The following DYDC2 variants were observed in gnomAD, a reference collection of about 807,000 sequenced individuals.
The protein encoded by DYDC2 is DPY30 domain-containing protein 2.
In DYDC2, 19 loss-of-function variants were observed where a neutral mutation model predicts 18.7. That is an observed-to-expected ratio of 1.02 (90% confidence interval 0.71 to 1.49). The LOEUF is 1.49. DYDC2 is among the 40% of genes most tolerant of loss of function. DYDC2 has a pLI of 0.00. For missense variants in DYDC2, 179 were observed against 205.1 expected (o/e 0.87, Z 0.78); for synonymous variants, 63 against 67.6 (o/e 0.93, Z 0.34).
intron 1 of DYDC2, among the ~76,000 whole-genome samples, chr10:80,345,233 A>G (rs1842541169): frequency 6.6e-6 from 1 of 152,184 alleles, no homozygotes; most frequent in Admixed American, 6.5e-5. Context: ...GAAGCTGAAT[A>G]TATCCTGATG....
chr10:80,362,026 T>C (rs1382952621), intron 2 of DYDC2, among the ~76,000 whole-genome samples: 1 of 152,258 alleles, frequency 6.6e-6, no homozygotes, highest in East Asian at 1.9e-4. Context: ...TATTTTTTCC[T>C]ATGTCCATAA....
chr10:80,352,093 G>A (rs922304195), upstream of DYDC2: 5 of 1,220,016 alleles, frequency 4.1e-6, no homozygotes, highest in African/African-American at 6.0e-5. Context: ...GGAACAATTA[G>A]GGAAAGTGTT....
At chr10:80,357,199 G>T (rs993968871) in intron 1 of DYDC2, among the ~76,000 whole-genome samples, 3 of 149,754 alleles carry the variant, frequency 2.0e-5, no homozygotes, top group East Asian at 4.0e-4. Context: ...GAAAGAAGGG[G>T]AGCGTGGCAG....
upstream of DYDC2, among the ~76,000 whole-genome samples, chr10:80,355,054 A>AT (rs1160556457): frequency 2.0e-5 from 3 of 151,776 alleles, no homozygotes; most frequent in African/African-American, 7.3e-5. Context: ...GTAAAAAAAA[A>AT]GCTTCTTTGG....
At chr10:80,356,323 G>A (rs1843365282), upstream of DYDC2, 11 of 985,622 alleles carry the variant, frequency 1.1e-5, no homozygotes, top group Non-Finnish European at 1.2e-5. Flanking sequence ...CGTGAAGAAG[G>A]TGCCACAGAG....
At chr10:80,348,854 T>G (rs10788579) in intron 1 of DYDC2, among the ~76,000 whole-genome samples, 53,268 of 152,168 alleles carry the variant, frequency 0.35, 10,524 homozygotes, top group East Asian at 0.79. Context: ...TTTTCAAGGA[T>G]GAAATGCATA....
At chr10:80,352,642 G>A, upstream of DYDC2, 1 of 1,578,956 alleles carries the variant, frequency 6.3e-7, no homozygotes, top group Non-Finnish European at 8.6e-7. Flanking sequence ...ATTACTGCAG[G>A]ATATTTTCAA....
chr10:80,363,324 TA>T (rs1476545284), intron 4 of DYDC2, among the ~76,000 whole-genome samples: 1 of 148,768 alleles, frequency 6.7e-6, no homozygotes, highest in African/African-American at 2.5e-5. Context: ...TTACTGGTTT[TA>T]AAAAAAATCT....
chr10:80,358,605 A>G (rs1023681653), intron 2 of DYDC2, among the ~76,000 whole-genome samples: 1 of 152,210 alleles, frequency 6.6e-6, no homozygotes, highest in Non-Finnish European at 1.5e-5. Context: ...GAGAATGCAG[A>G]GTTGGTGATT....
intron 1 of DYDC2, among the ~76,000 whole-genome samples, chr10:80,347,852 A>T (rs938866797): frequency 4.6e-5 from 7 of 152,132 alleles, no homozygotes; most frequent in African/African-American, 1.7e-4. Flanking sequence ...TGTAATTACT[A>T]TGGCTTTGTA....
chr10:80,353,045 G>T (rs952062202), upstream of DYDC2, among the ~76,000 whole-genome samples: 3 of 151,782 alleles, frequency 2.0e-5, no homozygotes, highest in African/African-American at 4.8e-5. Flanking sequence ...GACAGGGTTT[G>T]TACCCACCTC....
chr10:80,357,917 C>T lies in DYDC2; in HGVS notation c.-138C>T, dbSNP rs1193709655. The stretch of plus-strand genomic sequence containing the variant: ...GAGCTCCCAGTGTGCCAAGCGTGGG[C>T]GGTATACAGTAAACAAAGACAACCC... On this transcript the variant is annotated 5_prime_UTR_variant, in exon 2 of 5. Coordinates refer to ENST00000256039, the MANE Select transcript of DYDC2 (RefSeq NM_032372.6). 9 of 984,680 alleles carry T rather than the reference C, an allele frequency of 9.1e-6. No individual in the cohort carries two copies. The highest frequency in any genetic ancestry group is 5.2e-4 in the Middle Eastern group (1 of 1,934). 61.0% of individuals were successfully genotyped at this position (984,680 alleles called of 1,614,324 possible). A position where few individuals can be genotyped will look rare whatever the true frequency, so the allele number is the denominator to read the frequency against.
chr10:80,360,347 C>T (rs979101903), intron 2 of DYDC2, among the ~76,000 whole-genome samples: 3 of 152,198 alleles, frequency 2.0e-5, no homozygotes, highest in Non-Finnish European at 4.4e-5. Flanking sequence ...CTAGAGGATA[C>T]CCTTGGCTCA....
intron 2 of DYDC2, among the ~76,000 whole-genome samples, chr10:80,361,099 A>T (rs1372495532): frequency 6.6e-6 from 1 of 151,926 alleles, no homozygotes; most frequent in Non-Finnish European, 1.5e-5. Context: ...TCCAGGCCCA[A>T]TCTAGGATCA....
chr10:80,354,630 G>A (rs891753262), upstream of DYDC2: 15 of 152,166 alleles, frequency 9.9e-5, no homozygotes, highest in African/African-American at 3.6e-4. Flanking sequence ...GATGGTATTA[G>A]GAGCCTTTGG....
intron 4 of DYDC2, among the ~76,000 whole-genome samples, chr10:80,366,403 T>C (rs1263349363): frequency 6.6e-6 from 1 of 152,220 alleles, no homozygotes; most frequent in African/African-American, 2.4e-5. Context: ...TTTTTACTTC[T>C]GGTAATTATT....
intron 1 of DYDC2, among the ~76,000 whole-genome samples, chr10:80,346,747 A>C: frequency 6.6e-6 from 1 of 151,738 alleles, no homozygotes. Flanking sequence ...GGTGTGAGCC[A>C]CTGCCCCCGG....
intron 1 of DYDC2, among the ~76,000 whole-genome samples, chr10:80,349,669 T>G (rs1288206171): frequency 6.6e-6 from 1 of 152,148 alleles, no homozygotes; most frequent in African/African-American, 2.4e-5. Flanking sequence ...GTTAAATAAC[T>G]CCAATCTCTC....
At chr10:80,352,514 T>C (rs1843059394), upstream of DYDC2, 1 of 1,613,572 alleles carries the variant, frequency 6.2e-7, no homozygotes, top group Non-Finnish European at 8.5e-7. Flanking sequence ...AAATATTCTA[T>C]CGGATCCACT....
Sources: allele counts gnomAD v4.1 joint callset (sites outside exome capture counted in the v4.1 genomes callset), GRCh38; gene constraint gnomAD v4.1.1; transcripts MANE v1.5; gene names NCBI Gene and HGNC (gene_info 2026-07-23, HGNC 2026-07-21).